TRIP12: variants seen among roughly 807,000 people sequenced by gnomAD.
TRIP12 encodes E3 ubiquitin-protein ligase TRIP12.
TRIP12 carries 25 observed loss-of-function variants against 244.2 expected under a neutral mutation model. The observed-to-expected ratio is 0.10, with a 90% CI of 0.07 to 0.14. TRIP12 has a LOEUF of 0.14. Ranked by LOEUF, TRIP12 falls within the 10% of genes least tolerant of loss-of-function variation. The pLI, the probability that TRIP12 is intolerant of heterozygous loss-of-function variation, is 1.00. For missense variants in TRIP12, 1,677 were observed against 2,486.4 expected, an observed-to-expected ratio of 0.67 and a Z score of 6.92; for synonymous variants, 905 against 873.1, an observed-to-expected ratio of 1.04 and a Z score of -0.64.
chr2:229,907,150 T>C (rs1455587043), intron 1 of TRIP12, among the ~76,000 whole-genome samples: 1 of 152,202 alleles, frequency 6.6e-6, no homozygotes, highest in Non-Finnish European at 1.5e-5. Context: ...CTTTATACAT[T>C]GCCACCAACT....
chr2:229,782,281 T>G (rs781764339), intron 34 of TRIP12, among the ~76,000 whole-genome samples: 6 of 152,070 alleles, frequency 3.9e-5, no homozygotes, highest in Non-Finnish European at 7.4e-5. Context: ...CCATCTGGCC[T>G]CCTCCTTTCT....
At chr2:229,922,216 T>G (rs886466483), upstream of TRIP12, 8 of 294,754 alleles carry the variant, frequency 2.7e-5, no homozygotes, top group South Asian at 4.5e-4. Flanking sequence ...GCCCGATCCC[T>G]TCGAGGGACC....
chr2:229,799,499 G>A (rs189983168), intron 21 of TRIP12, 116 bp from the exon 22 acceptor site: 545 of 913,456 alleles, frequency 6.0e-4, no homozygotes, highest in Admixed American at 8.5e-4. Context: ...CTGTCAGGCC[G>A]GGCGCGGTGG....
rs1470152026 is a variant in TRIP12 at position 229,791,872 on chromosome 2, G to A, written c.4409C>T (p.Thr1470Ile). The change falls in exon 29 of 42, where the codon ACA becomes ATA. Residue 1470 changes from threonine to isoleucine, a missense_variant. This residue lies in a region of TRIP12 where 265 missense variants were observed against 370.8 expected (regional missense o/e 0.71). Transcript: ENST00000675903. ...GRAGIWTKTH[T>I]IWYKPVREDE... is the part of the protein sequence containing the mutation. ...AAAGAATTTTCAGACTTGCCATATT[G>A]TATGAGTCTTTGTCCAAATACCAGC... 1 of 1,613,614 alleles carries A rather than the reference G, an allele frequency of 6.2e-7. No individual in the cohort carries two copies. The highest frequency in any genetic ancestry group is 1.1e-5 in the South Asian group (1 of 90,926).
Position 229,902,388 on chromosome 2 carries a change from C to T in TRIP12, c.-50+19492G>A. 2.1e-5 allele frequency among the ~76,000 whole-genome samples: 3 copies of T among 146,246 alleles called. No homozygotes were observed. In the Middle Eastern group the frequency reaches 0.011, roughly 515 times the overall value. ...CAGCGAGACTTCGTCCTCCCCCCAC[C>T]AAAAAAAAAAGAATTTTAACATTTC... On this transcript the variant is annotated intron_variant, in intron 1 of 41. Transcript: ENST00000675903.
intron 25 of TRIP12, 147 bp from the exon 26 acceptor site, chr2:229,795,477 GT>G: frequency 2.2e-6 from 2 of 895,750 alleles, no homozygotes; most frequent in Non-Finnish European, 3.3e-6. Flanking sequence ...TTTGAACGAT[GT>G]TACCACGTCA....
Position 229,786,787 on chromosome 2 carries a change from C to A in TRIP12, c.4995+718G>T, listed in dbSNP as rs186484767. 2.1e-3 allele frequency among the ~76,000 whole-genome samples: 313 copies of A among 151,998 alleles called. 1 individual carries two copies. Among genetic ancestry groups the A allele is most frequent in the African/African-American group, 7.1e-3 (295 of 41,474 alleles). ...TTGCTTTTCAGTATACACTTCACTC[C>A]CTGCCATCCATCTAACTCCTTTATT... On this transcript the variant is annotated intron_variant, in intron 33 of 41. Transcript: ENST00000675903.
chr2:229,778,101 TA>T lies in TRIP12; in HGVS notation c.5364+331del, dbSNP rs1198758255. 1.3e-5 allele frequency among the ~76,000 whole-genome samples: 2 copies of T among 152,222 alleles called. No homozygotes were observed. Among genetic ancestry groups the T allele is most frequent in the Admixed American group, 6.5e-5 (1 of 15,278 alleles). ...AAACTTTCCTACTGAATTAAAAAGG[TA>T]ATGTCAGACTTTAAAAAATAAATAA... is the stretch of plus-strand genomic sequence containing the variant. On this transcript the variant is annotated intron_variant, in intron 36 of 41. Transcript: ENST00000675903. The surrounding 1 kb of genome is among the most constrained non-coding windows in gnomAD (Gnocchi z 4.1).
At chr2:229,872,104 T>TA (rs34496202) in intron 2 of TRIP12, among the ~76,000 whole-genome samples, 3,145 of 105,008 alleles carry the variant, frequency 0.03, 248 homozygotes, top group African/African-American at 0.052. Context: ...ACAGATATTG[T>TA]AAAAAAAAAA....
chr2:229,871,113 G>A (rs985311601), intron 2 of TRIP12, among the ~76,000 whole-genome samples: 2 of 150,634 alleles, frequency 1.3e-5, no homozygotes. Context: ...GACAGAGGTT[G>A]CAGTGAGTCA....
chr2:229,922,579 C>G (rs1417932696), upstream of TRIP12: 2 of 1,614,114 alleles, frequency 1.2e-6, no homozygotes, highest in Admixed American at 3.3e-5. Context: ...CTAGCAAAGA[C>G]TATTACCAGT....
chr2:229,864,041 A>AGTGT (rs1255228627), intron 2 of TRIP12, among the ~76,000 whole-genome samples: 2 of 71,680 alleles, frequency 2.8e-5, no homozygotes, highest in African/African-American at 1.1e-4. Flanking sequence ...AGAGAGAGAG[A>AGTGT]GAGAGAGTGT....
chr2:229,858,684 A>G (rs2060021349), intron 4 of TRIP12, 88 bp downstream of exon 4: 1 of 1,205,006 alleles, frequency 8.3e-7, no homozygotes, highest in Non-Finnish European at 1.1e-6. Flanking sequence ...CTGGGGGGAA[A>G]AAACCCTTAA....
At chr2:229,822,183 G>C (rs941236681) in intron 8 of TRIP12, among the ~76,000 whole-genome samples, 4 of 152,070 alleles carry the variant, frequency 2.6e-5, no homozygotes, top group African/African-American at 9.7e-5. Context: ...AGAGGGGAGA[G>C]TAAGAAGTTT....
At position 229,808,310 on chromosome 2, in the gene TRIP12, G is replaced by C; in HGVS notation, c.2281C>G (p.Gln761Glu). The C allele has an allele frequency of 1.2e-6, 2 of 1,613,908 alleles. No individual in the cohort carries two copies. Among genetic ancestry groups the C allele is most frequent in the Non-Finnish European group, 1.7e-6 (2 of 1,180,002 alleles). ...GGGCTTCGTGGAACAAGATCAATCT[G>C]TTCCTGACAACTTCCATTGGAGGCA... is the stretch of plus-strand genomic sequence containing the variant. The part of the protein sequence containing the change: ...CGASNGSCQE[Q>E]IDLVPRSPQE... Residue 761 changes from glutamine to glutamate, a missense_variant, in exon 16 of 42, where the codon CAG (glutamine) becomes GAG (glutamate). Transcript: ENST00000675903.
chr2:229,818,961 G>T (rs886338737), intron 8 of TRIP12, among the ~76,000 whole-genome samples: 2 of 150,988 alleles, frequency 1.3e-5, no homozygotes, highest in Non-Finnish European at 2.9e-5. Flanking sequence ...AATTAACAAT[G>T]AAAGGGCAAG....
chr2:229,793,801 T>C (rs2042135702), intron 26 of TRIP12, among the ~76,000 whole-genome samples: 1 of 152,054 alleles, frequency 6.6e-6, no homozygotes. Context: ...CAGATGGCTT[T>C]GTATATAGGC....
chr2:229,915,622 A>C (rs1372598056), intron 1 of TRIP12, among the ~76,000 whole-genome samples: 1 of 6,800 alleles, frequency 1.5e-4, no homozygotes, highest in African/African-American at 1.6e-4. Flanking sequence ...GTCCTTATAA[A>C]AGTTAAAAAA....
At chr2:229,779,289 G>A (rs1309502830) in intron 34 of TRIP12, among the ~76,000 whole-genome samples, 1 of 152,182 alleles carries the variant, frequency 6.6e-6, no homozygotes, top group Non-Finnish European at 1.5e-5. Flanking sequence ...ATATGGCATT[G>A]TCTGCATATG....
Sources: allele counts gnomAD v4.1 joint callset (sites outside exome capture counted in the v4.1 genomes callset), GRCh38; gene constraint gnomAD v4.1.1; regional missense constraint gnomAD v4.1.1; non-coding constraint Gnocchi (gnomAD v3.1); transcripts MANE v1.5; gene names NCBI Gene and HGNC (gene_info 2026-07-23, HGNC 2026-07-21).